Variants in SLC39A11 observed in about 807,000 individuals in gnomAD.
The protein encoded by SLC39A11 is zinc transporter ZIP11.
A neutral mutation model predicts 36.1 loss-of-function variants in SLC39A11; 33 were observed. The observed-to-expected ratio is 0.91, with a 90% CI of 0.69 to 1.22. The LOEUF is 1.22. Among genes scored for constraint, SLC39A11 ranks in the 50% most tolerant of loss-of-function variants. The pLI is 0.00. For missense variants in SLC39A11, 432 were observed against 430.3 expected, an observed-to-expected ratio of 1.00 and a Z score of -0.03; for synonymous variants, 166 against 170.3, an observed-to-expected ratio of 0.97 and a Z score of 0.20.
At position 72,879,209 on chromosome 17, in the gene SLC39A11, T is replaced by C. The variant is rs576815344; in HGVS notation, c.431-29405A>G. 2.0e-5 allele frequency among the ~76,000 whole-genome samples: 3 copies of C among 152,242 alleles called. No individual in the cohort carries two copies. In the South Asian group the frequency reaches 6.2e-4, roughly 32 times the overall value. On this transcript the variant is annotated intron_variant, in intron 5 of 9. Transcript: ENST00000255559. ...GGTTTTTTATGGAGGCGTCATGATT[T>C]AAGCCTGAATCATTAAGTCATTAGC...
Position 72,849,792 on chromosome 17 carries a change from T to A in SLC39A11, c.443A>T (p.Asn148Ile). 1.3e-6 allele frequency: 2 copies of A among 1,545,916 alleles called. No homozygotes were observed. Among genetic ancestry groups the A allele is most frequent in the South Asian group, 2.5e-5 (2 of 79,534 alleles). Residue 148 changes from asparagine to isoleucine, a missense_variant, in exon 6 of 10, where the codon AAT becomes ATT. By Grantham distance (149) the Asn-to-Ile change is moderately radical (BLOSUM62 -3). Transcript: ENST00000255559. ...CTTCTTTCTCTGATATGCCTCACCA[T>A]TCTCACTCTTGTCTGAGCAAAAAAA... is the stretch of plus-strand genomic sequence containing the variant. ...ELSIRIDKSE[N>I]GEAYQRKKAA...
At chr17:72,755,541 A>C (rs1482579530) in intron 6 of SLC39A11, among the ~76,000 whole-genome samples, 2 of 152,412 alleles carry the variant, frequency 1.3e-5, no homozygotes, top group Middle Eastern at 3.4e-3. Context: ...GGGTGCAGGC[A>C]AGATAATCTC....
At chr17:72,853,771 G>A (rs1288284224) in intron 5 of SLC39A11, among the ~76,000 whole-genome samples, 1 of 152,140 alleles carries the variant, frequency 6.6e-6, no homozygotes, top group Non-Finnish European at 1.5e-5. Context: ...TCATTACAGA[G>A]TATGATGCGT....
At chr17:72,674,516 C>T (rs982702965) in intron 7 of SLC39A11, among the ~76,000 whole-genome samples, 8 of 152,136 alleles carry the variant, frequency 5.3e-5, no homozygotes, top group Admixed American at 1.3e-4. Flanking sequence ...TGTGTGTCTA[C>T]GTAGTTTCAT....
At chr17:72,843,516 G>A (rs2078910062) in intron 6 of SLC39A11, among the ~76,000 whole-genome samples, 8 of 152,104 alleles carry the variant, frequency 5.3e-5, no homozygotes, top group Admixed American at 5.2e-4. Context: ...CTCATGAAAT[G>A]AGACTCCAGA....
chr17:72,698,459 CAAAAA>C (rs61454778), intron 7 of SLC39A11, among the ~76,000 whole-genome samples: 11,811 of 93,058 alleles, frequency 0.13, 561 homozygotes, highest in African/African-American at 0.19. Context: ...TAATAAAAAC[CAAAAA>C]AAAAAAAAAA....
intron 6 of SLC39A11, among the ~76,000 whole-genome samples, chr17:72,797,828 G>T (rs999232464): frequency 6.6e-6 from 1 of 152,144 alleles, no homozygotes. Flanking sequence ...GCCTCTGGGG[G>T]ATGCTTCGTG....
chr17:72,709,719 T>C (rs950951066), intron 7 of SLC39A11, among the ~76,000 whole-genome samples: 8 of 152,084 alleles, frequency 5.3e-5, no homozygotes, highest in African/African-American at 1.9e-4. Flanking sequence ...CTTGCCCCTA[T>C]TTCCTGTATC....
intron 5 of SLC39A11, among the ~76,000 whole-genome samples, chr17:72,877,726 C>A (rs2080982917): frequency 6.6e-6 from 1 of 152,074 alleles, no homozygotes; most frequent in Non-Finnish European, 1.5e-5. Flanking sequence ...TTGGAGAGAC[C>A]GGGGACAGCG....
intron 5 of SLC39A11, among the ~76,000 whole-genome samples, chr17:72,902,339 A>G (rs2082437309): frequency 1.3e-5 from 2 of 152,122 alleles, no homozygotes; most frequent in African/African-American, 4.8e-5. Flanking sequence ...GCGACATCAA[A>G]AGCAGAGACT....
At chr17:72,904,188 C>T (rs764885379) in intron 5 of SLC39A11, among the ~76,000 whole-genome samples, 5 of 152,148 alleles carry the variant, frequency 3.3e-5, no homozygotes, top group Non-Finnish European at 7.3e-5. Context: ...GTCCCAGCTA[C>T]TTGGGAGGCT....
intron 5 of SLC39A11, among the ~76,000 whole-genome samples, chr17:72,868,883 G>A (rs78435705): frequency 0.011 from 1,705 of 152,164 alleles, 46 homozygotes; most frequent in African/African-American, 0.036. Context: ...AGAGTTCCAC[G>A]GATAGACAGA....
At chr17:73,010,545 C>T (rs1472567080) in intron 4 of SLC39A11, among the ~76,000 whole-genome samples, 1 of 152,188 alleles carries the variant, frequency 6.6e-6, no homozygotes, top group Non-Finnish European at 1.5e-5. Flanking sequence ...CACCATCAGT[C>T]AGAACCTCCA....
At chr17:72,908,210 C>A (rs985632596) in intron 5 of SLC39A11, among the ~76,000 whole-genome samples, 11 of 152,232 alleles carry the variant, frequency 7.2e-5, no homozygotes, top group African/African-American at 1.4e-4. Context: ...CTCTCTGCCT[C>A]CTGGGATGTT....
intron 6 of SLC39A11, among the ~76,000 whole-genome samples, chr17:72,848,313 T>A (rs756222955): frequency 1.3e-5 from 2 of 152,248 alleles, no homozygotes; most frequent in African/African-American, 2.4e-5. Flanking sequence ...TTTTTAAAAA[T>A]ATCTTTATCA....
chr17:72,717,223 T>C (rs889219849), intron 7 of SLC39A11, among the ~76,000 whole-genome samples: 7 of 151,490 alleles, frequency 4.6e-5, no homozygotes, highest in Non-Finnish European at 7.4e-5. Flanking sequence ...CCTTGGGGCT[T>C]TGCGTCCAAC....
intron 3 of SLC39A11, among the ~76,000 whole-genome samples, chr17:73,069,708 C>T (rs1002679327): frequency 2.6e-5 from 4 of 152,172 alleles, no homozygotes; most frequent in African/African-American, 9.7e-5. Context: ...AAGGACAAAA[C>T]TTAACCAATA....
At chr17:73,027,032 G>A (rs1240348923) in intron 4 of SLC39A11, among the ~76,000 whole-genome samples, 1 of 152,060 alleles carries the variant, frequency 6.6e-6, no homozygotes, top group African/African-American at 2.4e-5. Context: ...TGAGGTGGGA[G>A]GATCACTGGA....
At chr17:72,814,835 C>T (rs1180697099) in intron 6 of SLC39A11, among the ~76,000 whole-genome samples, 2 of 152,174 alleles carry the variant, frequency 1.3e-5, no homozygotes, top group African/African-American at 2.4e-5. Context: ...CAATTAGGAC[C>T]CCATGAGAAC....
Sources: allele counts gnomAD v4.1 joint callset (sites outside exome capture counted in the v4.1 genomes callset), GRCh38; gene constraint gnomAD v4.1.1; transcripts MANE v1.5; gene names NCBI Gene and HGNC (gene_info 2026-07-23, HGNC 2026-07-21).